RBM20: variants seen among roughly 807,000 people sequenced by gnomAD.
RBM20 encodes the protein RNA binding motif protein 20.
A neutral mutation model predicts 110.1 loss-of-function variants in RBM20; 51 were observed. The ratio of observed to expected loss-of-function variants is 0.46; its 90% confidence interval spans 0.37 to 0.59. RBM20 has a LOEUF of 0.59. Ranked by LOEUF, RBM20 falls within the 20% of genes least tolerant of loss-of-function variation. The probability of loss-of-function intolerance (pLI) is 0.00; values close to 1 mark genes in which losing one functional copy is unlikely to be tolerated. For missense variants in RBM20, 1,512 were observed against 1,574.9 expected (o/e 0.96, Z 0.68); for synonymous variants, 589 against 618.2 (o/e 0.95, Z 0.70).
At chr10:110,659,027 T>C (rs1862063795) in intron 1 of RBM20, among the ~76,000 whole-genome samples, 1 of 152,172 alleles carries the variant, frequency 6.6e-6, no homozygotes, top group Non-Finnish European at 1.5e-5. Flanking sequence ...TCACCTTTGC[T>C]ATCCTCATCA....
chr10:110,685,194 G>C (rs1298902232), intron 1 of RBM20, among the ~76,000 whole-genome samples: 1 of 152,156 alleles, frequency 6.6e-6, no homozygotes. Context: ...TGTCCTTGGC[G>C]GGCCTGTCAA....
At chr10:110,668,976 C>T (rs1375023449) in intron 1 of RBM20, among the ~76,000 whole-genome samples, 6 of 151,270 alleles carry the variant, frequency 4.0e-5, no homozygotes, top group Non-Finnish European at 7.4e-5. Flanking sequence ...AAAATGGTGA[C>T]TTTTATGGAA....
intron 1 of RBM20, among the ~76,000 whole-genome samples, chr10:110,750,564 A>G (rs1170879861): frequency 6.6e-6 from 1 of 152,208 alleles, no homozygotes; most frequent in Non-Finnish European, 1.5e-5. Flanking sequence ...AATTGTTTTC[A>G]TTGCATTCAA....
rs1385689624 is a variant in RBM20, at chr10:110,810,852, T to C, written c.1880+390T>C. On this transcript the variant is annotated intron_variant, in intron 8 of 13. Transcript: ENST00000369519. Reference sequence around the variant, plus strand: ...GTGTGTGTGCATGTGTGTGCGTGTGTGTGTGTGTGTACGTGTGGCTTCGTT... The same window carrying C: ...GTGTGTGTGCATGTGTGTGCGTGTGCGTGTGTGTGTACGTGTGGCTTCGTT... Among the ~76,000 whole-genome samples, 6 of 151,866 alleles carry C rather than the reference T, an allele frequency of 4.0e-5. No homozygotes were observed. In the East Asian group the frequency reaches 1.2e-3, roughly 29 times the overall value.
At chr10:110,731,432 T>C (rs950001315) in intron 1 of RBM20, among the ~76,000 whole-genome samples, 1 of 152,222 alleles carries the variant, frequency 6.6e-6, no homozygotes, top group African/African-American at 2.4e-5. Context: ...ACAAGTTCAG[T>C]AATGTTCTAT....
At chr10:110,758,336 G>C (rs758440124) in intron 1 of RBM20, among the ~76,000 whole-genome samples, 10 of 152,020 alleles carry the variant, frequency 6.6e-5, no homozygotes, top group Non-Finnish European at 1.3e-4. Context: ...TGTTCCTATG[G>C]AGCTTATATT....
chr10:110,804,595 C>A (rs1043432797), intron 7 of RBM20, among the ~76,000 whole-genome samples: 1 of 152,186 alleles, frequency 6.6e-6, no homozygotes, highest in Non-Finnish European at 1.5e-5. Flanking sequence ...AGTTCCTCAG[C>A]TTATTTGAGG....
intron 1 of RBM20, among the ~76,000 whole-genome samples, chr10:110,689,984 A>T (rs976332705): frequency 9.2e-5 from 14 of 152,242 alleles, no homozygotes; most frequent in Non-Finnish European, 1.9e-4. Context: ...ATGCTTAAAT[A>T]GGGCCTTCAG....
chr10:110,682,059 T>A (rs1420015289), intron 1 of RBM20, among the ~76,000 whole-genome samples: 1 of 152,082 alleles, frequency 6.6e-6, no homozygotes, highest in Admixed American at 6.5e-5. Context: ...CCGGCTAATT[T>A]TTTTGTATTT....
At chr10:110,798,019 T>A (rs1844574561) in intron 6 of RBM20, among the ~76,000 whole-genome samples, 1 of 152,254 alleles carries the variant, frequency 6.6e-6, no homozygotes, top group African/African-American at 2.4e-5. Flanking sequence ...AAGCCTCTCC[T>A]ATCTGATGGC....
intron 12 of RBM20, among the ~76,000 whole-genome samples, chr10:110,827,209 C>CA (rs773557557): frequency 3.6e-4 from 55 of 151,628 alleles, no homozygotes; most frequent in South Asian, 1.0e-3. Context: ...CCTGTCTCTG[C>CA]AAAAAAATAA....
chr10:110,766,254 T>G (rs1330430653), intron 1 of RBM20, among the ~76,000 whole-genome samples: 2 of 152,238 alleles, frequency 1.3e-5, no homozygotes, highest in African/African-American at 4.8e-5. Flanking sequence ...GTGATGAAGA[T>G]GGGCCTGTGT....
At chr10:110,790,568 T>G (rs1844471398) in intron 5 of RBM20, among the ~76,000 whole-genome samples, 1 of 152,378 alleles carries the variant, frequency 6.6e-6, no homozygotes, top group Non-Finnish European at 1.5e-5. Flanking sequence ...TATAAGTATA[T>G]ATCTCTCTAG....
chr10:110,800,047 T>TCGAGATCCTCAAAGGCAG, intron 7 of RBM20, 129 bp downstream of exon 7: 1 of 889,804 alleles, frequency 1.1e-6, no homozygotes, highest in Non-Finnish European at 1.7e-6. Flanking sequence ...ACACACTGCC[T>TCGAGATCCTCAAAGGCAG]TTGAGGATCT....
chr10:110,820,068 T>G lies in RBM20; in HGVS notation c.2551-4T>G. 6.5e-7 allele frequency: 1 copy of G among 1,542,334 alleles called. No homozygotes were observed. The highest frequency in any genetic ancestry group is 1.2e-5 in the South Asian group (1 of 82,842). On this transcript the variant is annotated splice_region_variant and splice_polypyrimidine_tract_variant and intron_variant, in intron 9 of 13. Transcript: ENST00000369519. Reference sequence around the variant, plus strand: ...TTGGTTTGCTCTGTTCTTCCTTTGATAAGGCTGGAAAAGAGGAACAGGAGG... The same window carrying G: ...TTGGTTTGCTCTGTTCTTCCTTTGAGAAGGCTGGAAAAGAGGAACAGGAGG...
chr10:110,817,910 G>GC (rs1264229381), intron 9 of RBM20, among the ~76,000 whole-genome samples: 2 of 152,318 alleles, frequency 1.3e-5, no homozygotes, highest in East Asian at 3.9e-4. Context: ...ACTATGCAGG[G>GC]CCTTGTAGGC....
intron 1 of RBM20, among the ~76,000 whole-genome samples, chr10:110,658,380 T>C (rs940387197): frequency 1.2e-4 from 18 of 152,300 alleles, no homozygotes; most frequent in Middle Eastern, 6.8e-3. Flanking sequence ...GGCACTTTGT[T>C]TCCTTCTAGG....
intron 1 of RBM20, among the ~76,000 whole-genome samples, chr10:110,775,017 G>A (rs1464022443): frequency 2.6e-5 from 4 of 152,186 alleles, no homozygotes; most frequent in African/African-American, 4.8e-5. Context: ...AAACTATAAT[G>A]TAGTTCTTGT....
chr10:110,704,379 C>T (rs754227218), intron 1 of RBM20, among the ~76,000 whole-genome samples: 1 of 152,134 alleles, frequency 6.6e-6, no homozygotes, highest in African/African-American at 2.4e-5. Flanking sequence ...TTTGTGTGAA[C>T]ATAAGTTTTC....
Sources: allele counts gnomAD v4.1 joint callset (sites outside exome capture counted in the v4.1 genomes callset), GRCh38; gene constraint gnomAD v4.1.1; transcripts MANE v1.5; gene names NCBI Gene and HGNC (gene_info 2026-07-23, HGNC 2026-07-21).